Variants in SLC9A9 observed in about 807,000 individuals in gnomAD.
SLC9A9 encodes solute carrier family 9 member A9.
Under a neutral mutation model 77.8 loss-of-function variants are expected in SLC9A9, and 62 were observed. The observed-to-expected ratio is 0.80, with a 90% CI of 0.65 to 0.98. The LOEUF (loss-of-function observed/expected upper bound fraction) is 0.98, where lower values mean the gene tolerates loss of function less well. Among genes scored for constraint, SLC9A9 ranks in the 50% least tolerant of loss-of-function variants. The pLI is 0.00. For missense variants in SLC9A9, 775 were observed against 774.9 expected (o/e 1.00, Z 0.00); for synonymous variants, 320 against 283.5 (o/e 1.13, Z -1.29).
intron 5 of SLC9A9, among the ~76,000 whole-genome samples, chr3:143,660,788 C>T (rs1222998888): frequency 6.6e-6 from 1 of 152,148 alleles, no homozygotes; most frequent in Non-Finnish European, 1.5e-5. Context: ...TATAGCACAG[C>T]TCTCCCTCCC....
At chr3:143,814,623 G>A (rs531461361) in intron 2 of SLC9A9, among the ~76,000 whole-genome samples, 27 of 152,230 alleles carry the variant, frequency 1.8e-4, no homozygotes, top group Admixed American at 2.6e-4. Flanking sequence ...GAATAATTTC[G>A]TAATATTGCA....
At chr3:143,743,576 T>C (rs948559172) in intron 4 of SLC9A9, among the ~76,000 whole-genome samples, 1 of 152,054 alleles carries the variant, frequency 6.6e-6, no homozygotes, top group Non-Finnish European at 1.5e-5. Flanking sequence ...CTGTTTTGTT[T>C]TGGTTTTTGG....
At chr3:143,412,649 C>T (rs1342503912) in intron 12 of SLC9A9, among the ~76,000 whole-genome samples, 1 of 152,218 alleles carries the variant, frequency 6.6e-6, no homozygotes, top group Non-Finnish European at 1.5e-5. Flanking sequence ...CCAGGTGCCA[C>T]TTTTTACAGG....
At position 143,522,353 on chromosome 3, in the gene SLC9A9, T is replaced by C. The variant is rs1379942487; in HGVS notation, c.1090-26905A>G. ...ATCCCTATTTATTTCTAAATATTAG[T>C]TGACTACCTTGTGCCAATATATACA... On this transcript the variant is annotated intron_variant, in intron 9 of 15. Coordinates refer to ENST00000316549, the MANE Select transcript of SLC9A9 (RefSeq NM_173653.4). Among the ~76,000 whole-genome samples, 5 of 152,312 alleles carry C rather than the reference T, an allele frequency of 3.3e-5. No homozygotes were observed. In the East Asian group the frequency reaches 9.6e-4, roughly 29 times the overall value.
intron 13 of SLC9A9, among the ~76,000 whole-genome samples, chr3:143,371,280 A>G (rs2033052842): frequency 6.6e-6 from 1 of 152,218 alleles, no homozygotes; most frequent in East Asian, 1.9e-4. Flanking sequence ...TTGAGACCTC[A>G]GAAAAAAAGC....
At chr3:143,440,926 T>C (rs1486060182) in intron 12 of SLC9A9, among the ~76,000 whole-genome samples, 2 of 152,250 alleles carry the variant, frequency 1.3e-5, no homozygotes. Context: ...TTCTATTTAC[T>C]GACTTGAGGG....
chr3:143,432,986 T>A (rs1340224303), intron 12 of SLC9A9, among the ~76,000 whole-genome samples: 1 of 152,232 alleles, frequency 6.6e-6, no homozygotes, highest in Non-Finnish European at 1.5e-5. Flanking sequence ...AAACATGCTC[T>A]GATTAGACCA....
chr3:143,342,192 A>C (rs982355735), intron 14 of SLC9A9: 1 of 151,164 alleles, frequency 6.6e-6, no homozygotes, highest in African/African-American at 2.4e-5. Context: ...AGAGCTTCTT[A>C]TTTTTTTTTG....
chr3:143,529,719 T>C (rs1015069051), intron 9 of SLC9A9, among the ~76,000 whole-genome samples: 6 of 152,212 alleles, frequency 3.9e-5, no homozygotes, highest in African/African-American at 1.4e-4. Flanking sequence ...GTTTTACATT[T>C]ATATAAATGT....
intron 2 of SLC9A9, among the ~76,000 whole-genome samples, chr3:143,814,097 A>G (rs922376855): frequency 6.6e-6 from 1 of 152,190 alleles, no homozygotes; most frequent in African/African-American, 2.4e-5. Context: ...TGGGTAAAAT[A>G]GAGGTAAAAA....
At chr3:143,761,211 A>C (rs186327578) in intron 4 of SLC9A9, among the ~76,000 whole-genome samples, 2 of 152,360 alleles carry the variant, frequency 1.3e-5, no homozygotes, top group Admixed American at 1.3e-4. Flanking sequence ...TTAACGACTT[A>C]AATGTTAGAC....
chr3:143,657,035 T>C (rs1237472940), intron 5 of SLC9A9, among the ~76,000 whole-genome samples: 1 of 152,164 alleles, frequency 6.6e-6, no homozygotes, highest in African/African-American at 2.4e-5. Context: ...TCAAAAAAGT[T>C]GTGGTATCTG....
chr3:143,615,827 G>A (rs527838119), intron 6 of SLC9A9, among the ~76,000 whole-genome samples: 9 of 152,106 alleles, frequency 5.9e-5, no homozygotes, highest in African/African-American at 1.7e-4. Flanking sequence ...AGGCTGCACA[G>A]TGTAAATAAC....
intron 5 of SLC9A9, among the ~76,000 whole-genome samples, chr3:143,656,348 G>T (rs2038887683): frequency 6.6e-6 from 1 of 151,960 alleles, no homozygotes; most frequent in Non-Finnish European, 1.5e-5. Flanking sequence ...TCATCTCAAA[G>T]ATGATAACCA....
intron 9 of SLC9A9, among the ~76,000 whole-genome samples, chr3:143,496,476 C>CA (rs777963957): frequency 1.2e-4 from 18 of 152,154 alleles, no homozygotes; most frequent in Non-Finnish European, 2.4e-4. Context: ...AAATAATGCC[C>CA]AATACTGTTC....
At chr3:143,578,181 A>AG (rs1408124249) in intron 7 of SLC9A9, among the ~76,000 whole-genome samples, 6 of 152,164 alleles carry the variant, frequency 3.9e-5, no homozygotes, top group Non-Finnish European at 1.5e-5. Context: ...CCTGAAAAAG[A>AG]GGCAGATCAT....
At chr3:143,698,548 G>A (rs750505848) in intron 4 of SLC9A9, among the ~76,000 whole-genome samples, 3 of 151,882 alleles carry the variant, frequency 2.0e-5, no homozygotes, top group South Asian at 2.1e-4. Flanking sequence ...AATTTCATGA[G>A]GTAGTTTCAC....
At chr3:143,748,126 C>T (rs773720011) in intron 4 of SLC9A9, among the ~76,000 whole-genome samples, 10 of 152,206 alleles carry the variant, frequency 6.6e-5, no homozygotes, top group African/African-American at 2.4e-4. Context: ...TTGAACTAGC[C>T]TTCTTGATCA....
intron 4 of SLC9A9, among the ~76,000 whole-genome samples, chr3:143,715,213 C>T (rs1225335315): frequency 6.6e-6 from 1 of 152,044 alleles, no homozygotes; most frequent in East Asian, 1.9e-4. Flanking sequence ...CTTTCAGTTC[C>T]CTCTCTTTAG....
Sources: gnomAD v4.1 joint callset for allele counts (sites outside exome capture counted in the v4.1 genomes callset) on GRCh38, gnomAD v4.1.1 for gene constraint, MANE v1.5 for transcripts, NCBI Gene and HGNC (gene_info 2026-07-23, HGNC 2026-07-21) for gene names.